KPNA6: variants seen among roughly 807,000 people sequenced by gnomAD.
The protein encoded by KPNA6 is karyopherin subunit alpha 6, also known as importin subunit alpha-7.
Under a neutral mutation model 72.0 loss-of-function variants are expected in KPNA6, and 9 were observed. That is an observed-to-expected ratio of 0.13 (90% CI 0.08 to 0.22). The LOEUF (loss-of-function observed/expected upper bound fraction) is 0.22. Ranked by LOEUF, KPNA6 falls within the 10% of genes least tolerant of loss-of-function variation. KPNA6 has a pLI of 1.00. For missense variants in KPNA6, 374 were observed against 655.7 expected (o/e 0.57, Z 4.69); for synonymous variants, 219 against 242.1 (o/e 0.90, Z 0.89).
chr1:32,174,603 T>C lies in KPNA6; in HGVS notation c.*3709T>C, dbSNP rs1642495217. Reference sequence around the variant, plus strand: ...TCTCCCCTAGACTCACTCAGCTTGGTATCCATCATCTTGAGCATTCTTCAG... The same window carrying C: ...TCTCCCCTAGACTCACTCAGCTTGGCATCCATCATCTTGAGCATTCTTCAG... On this transcript the variant is annotated 3_prime_UTR_variant, in exon 14 of 14. Transcript: ENST00000373625. The C allele has an allele frequency of 1.3e-5, 2 of 152,234 alleles. No homozygotes were observed. The highest frequency in any genetic ancestry group is 2.9e-5 in the Non-Finnish European group (2 of 68,050). 9.4% of individuals were successfully genotyped at this position (152,234 alleles called of 1,614,324 possible).
At chr1:32,157,835 T>G (rs1642171258) in intron 4 of KPNA6, among the ~76,000 whole-genome samples, 1 of 152,198 alleles carries the variant, frequency 6.6e-6, no homozygotes. Context: ...GTGTCCTCTG[T>G]ACCTAGAACT....
At chr1:32,147,556 C>G in intron 1 of KPNA6, among the ~76,000 whole-genome samples, 1 of 152,120 alleles carries the variant, frequency 6.6e-6, no homozygotes, top group South Asian at 2.1e-4. Flanking sequence ...CCTTGTCCTC[C>G]CAAAGTGCTG....
intron 1 of KPNA6, among the ~76,000 whole-genome samples, chr1:32,123,459 G>GA (rs1641474171): frequency 6.6e-6 from 1 of 152,116 alleles, no homozygotes; most frequent in Non-Finnish European, 1.5e-5. Flanking sequence ...GACTAAACAG[G>GA]GCGGGGCATG....
intron 1 of KPNA6, among the ~76,000 whole-genome samples, chr1:32,114,446 A>AG (rs1257806456): frequency 6.8e-6 from 1 of 147,032 alleles, no homozygotes; most frequent in African/African-American, 2.5e-5. Context: ...TGTCTCAAAA[A>AG]AAAAAATATA....
intron 1 of KPNA6, among the ~76,000 whole-genome samples, chr1:32,143,291 C>G (rs955505910): frequency 1.3e-5 from 2 of 152,042 alleles, no homozygotes; most frequent in Non-Finnish European, 2.9e-5. Context: ...CTCTTGAACT[C>G]CTGGGCTCAA....
chr1:32,163,962 A>G (rs907698742), intron 10 of KPNA6, among the ~76,000 whole-genome samples: 2 of 152,242 alleles, frequency 1.3e-5, no homozygotes, highest in African/African-American at 4.8e-5. Flanking sequence ...ATTGGCATAA[A>G]GTACATTCAC....
chr1:32,136,102 A>C (rs147075940), intron 1 of KPNA6, among the ~76,000 whole-genome samples: 140 of 152,218 alleles, frequency 9.2e-4, no homozygotes, highest in Non-Finnish European at 1.1e-3. Flanking sequence ...TGTGTCTTAC[A>C]GGGACTAATA....
intron 1 of KPNA6, among the ~76,000 whole-genome samples, chr1:32,151,019 G>C (rs911255349): frequency 3.3e-5 from 5 of 151,972 alleles, no homozygotes; most frequent in African/African-American, 1.2e-4. Flanking sequence ...AGAACTCCTA[G>C]GTTCTTCAAG....
chr1:32,138,778 C>T (rs1641786632), intron 1 of KPNA6, among the ~76,000 whole-genome samples: 1 of 152,056 alleles, frequency 6.6e-6, no homozygotes, highest in South Asian at 2.1e-4. Flanking sequence ...TTCAGGAAGG[C>T]AAAGGTGATC....
At chr1:32,127,554 C>A (rs1641556346) in intron 1 of KPNA6, among the ~76,000 whole-genome samples, 1 of 152,190 alleles carries the variant, frequency 6.6e-6, no homozygotes, top group South Asian at 2.1e-4. Context: ...AAGAGCTAAT[C>A]AGAGGGATTT....
At chr1:32,150,110 T>G (rs1355390611) in intron 1 of KPNA6, among the ~76,000 whole-genome samples, 2 of 150,740 alleles carry the variant, frequency 1.3e-5, no homozygotes, top group Non-Finnish European at 3.0e-5. Context: ...TGGGATTAGA[T>G]CTGGAAAATT....
chr1:32,154,439 G>A (rs1003017834), intron 1 of KPNA6, 149 bp from the exon 2 acceptor site: 7 of 675,536 alleles, frequency 1.0e-5, no homozygotes, highest in Middle Eastern at 2.6e-4. Flanking sequence ...TGGGGGGTGG[G>A]TAGAGATGTC....
At chr1:32,159,068 T>C (rs1160174173) in intron 5 of KPNA6, among the ~76,000 whole-genome samples, 1 of 152,118 alleles carries the variant, frequency 6.6e-6, no homozygotes, top group Admixed American at 6.6e-5. Context: ...ATGAAGAAAG[T>C]GAAGCTCAGG....
chr1:32,160,546 G>A, intron 6 of KPNA6, 69 bp from the exon 7 acceptor site: 1 of 1,205,354 alleles, frequency 8.3e-7, no homozygotes, highest in South Asian at 1.2e-5. Context: ...TCACTTTGCA[G>A]TTGTGGCTAT....
chr1:32,114,639 A>G (rs556859771), intron 1 of KPNA6, among the ~76,000 whole-genome samples: 1 of 152,246 alleles, frequency 6.6e-6, no homozygotes, highest in East Asian at 1.9e-4. Flanking sequence ...GCCCATAACA[A>G]GAGAGTCAGC....
In KPNA6 at chr1:32,170,058, A is replaced by G. The variant is rs777743002; in HGVS notation, c.1421A>G (p.Tyr474Cys). The change falls in exon 13 of 14, where the codon TAT (tyrosine) becomes TGT (cysteine). Residue 474 changes from tyrosine (Y) to cysteine (C), a missense_variant and splice_region_variant. Around this residue, in one of 3 missense-constraint regions of KPNA6, gnomAD observed 34 missense variants for 110.5 expected, o/e 0.31. Transcript: ENST00000373625. ...TATTGTGGCCTCATAGAGGAAGCCT[A>G]TGGTATGTGCCCTCTCCTCAATCTA... is the stretch of plus-strand genomic sequence containing the variant. ...NPYCGLIEEA[Y>C]GLDKIEFLQS... The G allele has an allele frequency of 2.5e-6, 4 of 1,613,648 alleles. No homozygotes were observed. Among genetic ancestry groups the G allele is most frequent in the Non-Finnish European group, 8.5e-7 (1 of 1,179,610 alleles).
At chr1:32,154,563 T>C in intron 1 of KPNA6, 25 bp from the exon 2 acceptor site, 3 of 1,609,142 alleles carry the variant, frequency 1.9e-6, no homozygotes, top group South Asian at 2.2e-5. Context: ...CAAGAGTTTT[T>C]GGCAGTGTGT....
chr1:32,168,256 T>C (rs1642374291), intron 12 of KPNA6, among the ~76,000 whole-genome samples: 1 of 152,236 alleles, frequency 6.6e-6, no homozygotes, highest in Admixed American at 6.6e-5. Flanking sequence ...ATGTGTGCTC[T>C]TTTTGAGACC....
chr1:32,118,992 G>GTATATATATATA (rs1641374977), intron 1 of KPNA6, among the ~76,000 whole-genome samples: 1 of 83,234 alleles, frequency 1.2e-5, no homozygotes, highest in Non-Finnish European at 2.3e-5. Context: ...GTGTGTGTGT[G>GTATATATATATA]TATACATATA....
Sources: gnomAD v4.1 joint callset for allele counts (sites outside exome capture counted in the v4.1 genomes callset) on GRCh38, gnomAD v4.1.1 for gene constraint, gnomAD v4.1.1 regional missense constraint, MANE v1.5 for transcripts, NCBI Gene and HGNC (gene_info 2026-07-23, HGNC 2026-07-21) for gene names.